Variants in SRRM3 observed in about 807,000 individuals in gnomAD.
The protein encoded by SRRM3 is serine/arginine repetitive matrix protein 3.
In SRRM3, 27 loss-of-function variants were observed where a neutral mutation model predicts 66.2. The observed-to-expected ratio is 0.41, with a 90% CI of 0.30 to 0.56. The LOEUF (loss-of-function observed/expected upper bound fraction) is 0.56. Among genes scored for constraint, SRRM3 ranks in the 20% least tolerant of loss-of-function variants. The pLI is 0.32. For missense variants in SRRM3, 918 were observed against 991.9 expected (o/e 0.93, Z 1.00); for synonymous variants, 391 against 414.9 (o/e 0.94, Z 0.70).
chr7:76,264,666 A>G, intron 8 of SRRM3, 99 bp from the exon 9 acceptor site: 1 of 1,305,242 alleles, frequency 7.7e-7, no homozygotes, highest in South Asian at 1.3e-5. Flanking sequence ...CTAGAGTGGA[A>G]CAAATCTCAG....
chr7:76,255,148 CTTTTTTTT>C lies in SRRM3; in HGVS notation c.336-4746_336-4739del, dbSNP rs57880700. On this transcript the variant is annotated intron_variant, in intron 3 of 14. Coordinates refer to ENST00000611745, the MANE Select transcript of SRRM3 (RefSeq NM_001110199.3). ...CTTTTCTTTCTTTCTTTCTTTCTTT[CTTTTTTTT>C]TTTTTTTTTTTGAGATGGAATCTAG... Among the ~76,000 whole-genome samples, 222 of 83,176 alleles carry C rather than the reference CTTTTTTTT, an allele frequency of 2.7e-3. 3 individuals carry two copies. The highest frequency in any genetic ancestry group is 0.013 in the African/African-American group (214 of 15,892). 54.6% of individuals were successfully genotyped at this position (83,176 alleles called of 152,430 possible).
At chr7:76,248,531 G>A (rs1255094702) in intron 3 of SRRM3, among the ~76,000 whole-genome samples, 1 of 152,168 alleles carries the variant, frequency 6.6e-6, no homozygotes, top group Non-Finnish European at 1.5e-5. Context: ...TCCTACCTAT[G>A]GCTCAGCAGT....
At chr7:76,221,380 T>TC (rs1800714689) in intron 1 of SRRM3, among the ~76,000 whole-genome samples, 1 of 132,682 alleles carries the variant, frequency 7.5e-6, no homozygotes, top group Non-Finnish European at 1.6e-5. Context: ...TTTTTTTTTT[T>TC]GAGACGGAGT....
chr7:76,220,797 T>C (rs1800691069), intron 1 of SRRM3, among the ~76,000 whole-genome samples: 1 of 152,102 alleles, frequency 6.6e-6, no homozygotes, highest in Admixed American at 6.5e-5. Flanking sequence ...AGCCCCAGCC[T>C]TGGGGCTCTG....
chr7:76,282,612 C>T, intron 12 of SRRM3, 36 bp from the exon 13 acceptor site: 1 of 836,782 alleles, frequency 1.2e-6, no homozygotes, highest in Non-Finnish European at 1.6e-6. Flanking sequence ...CTTTCCGGGT[C>T]GCTGAGCCCT....
At chr7:76,231,604 C>A (rs1467494431) in intron 1 of SRRM3, among the ~76,000 whole-genome samples, 1 of 152,262 alleles carries the variant, frequency 6.6e-6, no homozygotes, top group Admixed American at 6.5e-5. Flanking sequence ...GCGCCTCTTG[C>A]ATTGCCTGGT....
At chr7:76,260,838 A>G in intron 5 of SRRM3, 36 bp from the exon 6 acceptor site, 1 of 1,552,950 alleles carries the variant, frequency 6.4e-7, no homozygotes, top group African/African-American at 1.4e-5. Flanking sequence ...AACCCCATCC[A>G]TCCGTCTGTC....
At chr7:76,284,382 T>C (rs1417952676) in intron 14 of SRRM3, among the ~76,000 whole-genome samples, 1 of 152,126 alleles carries the variant, frequency 6.6e-6, no homozygotes. Flanking sequence ...TTCACCATGT[T>C]AGTCAGGCTG....
intron 1 of SRRM3, among the ~76,000 whole-genome samples, chr7:76,207,456 T>C (rs1156770313): frequency 6.6e-6 from 1 of 152,200 alleles, no homozygotes; most frequent in Non-Finnish European, 1.5e-5. Flanking sequence ...GGTATTTCCT[T>C]GCAGGCTTTT....
intron 13 of SRRM3, 38 bp downstream of exon 13, chr7:76,282,910 G>C (rs1400733610): frequency 1.2e-5 from 16 of 1,307,008 alleles, no homozygotes; most frequent in Non-Finnish European, 1.5e-5. Context: ...GGGGCGGGCG[G>C]CGGGGTGGAG....
In SRRM3 at chr7:76,281,469, G is replaced by A. The variant is rs1802505397; in HGVS notation, c.1037G>A (p.Arg346His). 3.2e-6 allele frequency: 4 copies of A among 1,232,072 alleles called. No homozygotes were observed. Among genetic ancestry groups the A allele is most frequent in the Non-Finnish European group, 4.1e-6 (4 of 982,942 alleles). 76.3% of individuals were successfully genotyped at this position (1,232,072 alleles called of 1,614,324 possible). ...DKPSSPSPRV[R>H]DKAAAAAPTP... ...CCCAGCTCGCCCTCGCCCAGGGTCCGTGACAAGGCGGCGGCCGCCGCACCC... is the reference window on the plus strand; with the variant it reads ...CCCAGCTCGCCCTCGCCCAGGGTCCATGACAAGGCGGCGGCCGCCGCACCC... Residue 346 changes from arginine to histidine, a missense_variant, in exon 12 of 15, where the codon CGT (arginine) becomes CAT (histidine). Arg to His is a conservative substitution (Grantham distance 29). Transcript: ENST00000611745.
intron 1 of SRRM3, among the ~76,000 whole-genome samples, chr7:76,205,027 T>C (rs1375534715): frequency 1.3e-5 from 2 of 151,934 alleles, no homozygotes; most frequent in Non-Finnish European, 2.9e-5. Flanking sequence ...CTCTCCTCAT[T>C]GAACCCTCCC....
chr7:76,265,711 C>A (rs1482985767), intron 10 of SRRM3, among the ~76,000 whole-genome samples: 1 of 144,986 alleles, frequency 6.9e-6, no homozygotes, highest in Non-Finnish European at 1.5e-5. Context: ...AGACTTCCTT[C>A]TTTAATTAAA....
At chr7:76,265,859 T>TAAATA (rs1491492869) in intron 10 of SRRM3, among the ~76,000 whole-genome samples, 82 of 5,274 alleles carry the variant, frequency 0.016, 10 homozygotes, top group African/African-American at 0.077. Flanking sequence ...TATATATATA[T>TAAATA]TTTTTTTTTT....
At chr7:76,235,322 C>G in intron 2 of SRRM3, 23 bp downstream of exon 2, 2 of 1,370,876 alleles carry the variant, frequency 1.5e-6, no homozygotes, top group Non-Finnish European at 1.9e-6. Flanking sequence ...CGGGGCGGGA[C>G]TGGGGTGGGG....
chr7:76,260,954 G>A lies in SRRM3; in HGVS notation c.575+51G>A, dbSNP rs922282450. 3 of 1,537,630 alleles carry A rather than the reference G, an allele frequency of 2.0e-6. No individual in the cohort carries two copies. In the African/African-American group the frequency reaches 4.1e-5, roughly 21 times the overall value. On this transcript the variant is annotated intron_variant, in intron 6 of 14. Transcript: ENST00000611745. The stretch of plus-strand genomic sequence containing the variant: ...GCCAGGGCGGGGGATGTCTGTGGGT[G>A]GGAGAGATTCCAAGGCCATCCCCCA...
At chr7:76,247,350 C>T (rs1283264833) in intron 2 of SRRM3, among the ~76,000 whole-genome samples, 1 of 152,026 alleles carries the variant, frequency 6.6e-6, no homozygotes, top group African/African-American at 2.4e-5. Context: ...CCCGATAACC[C>T]CCCTACAAGC....
At position 76,283,107 on chromosome 7, in the gene SRRM3, G is replaced by C. The variant is rs1033125625; in HGVS notation, c.1733+6G>C. ...GAGCCGCGGCGCATCACCAGGTATG[G>C]AGGGTCTTGGGGGGGCCGGTGGCGC... is the stretch of plus-strand genomic sequence containing the variant. On this transcript the variant is annotated splice_donor_region_variant and intron_variant, in intron 14 of 14. Transcript: ENST00000611745. The C allele has an allele frequency of 6.9e-7, 1 of 1,440,500 alleles. No homozygotes were observed. Among genetic ancestry groups the C allele is most frequent in the South Asian group, 1.5e-5 (1 of 67,698 alleles). 89.2% of individuals were successfully genotyped at this position (1,440,500 alleles called of 1,614,324 possible). A position where few individuals can be genotyped will look rare whatever the true frequency, so the allele number is the denominator to read the frequency against.
At chr7:76,233,081 T>C (rs1554604379) in intron 1 of SRRM3, among the ~76,000 whole-genome samples, 1 of 152,038 alleles carries the variant, frequency 6.6e-6, no homozygotes. Context: ...AGTGGAAGGA[T>C]TGTTTGAAGC....
Sources: gnomAD v4.1 joint callset for allele counts (sites outside exome capture counted in the v4.1 genomes callset) on GRCh38, gnomAD v4.1.1 for gene constraint, MANE v1.5 for transcripts, NCBI Gene and HGNC (gene_info 2026-07-23, HGNC 2026-07-21) for gene names.